The following MRPL15 variants were observed in gnomAD, a reference collection of about 807,000 sequenced individuals.
The protein encoded by MRPL15 is large ribosomal subunit protein uL15m.
Under a neutral mutation model 28.0 loss-of-function variants are expected in MRPL15, and 24 were observed. The ratio of observed to expected loss-of-function variants is 0.86; its 90% CI spans 0.62 to 1.21. MRPL15 has a LOEUF of 1.21. Ranked by LOEUF, MRPL15 falls within the 50% of genes most tolerant of loss-of-function variation. The pLI is 0.00. For missense variants in MRPL15, 343 were observed against 372.4 expected, an observed-to-expected ratio of 0.92 and a Z score of 0.65; for synonymous variants, 124 against 137.0, an observed-to-expected ratio of 0.90 and a Z score of 0.66.
Position 54,147,772 on chromosome 8 carries a change from G to A in MRPL15, c.*53G>A. The A allele has an allele frequency of 7.0e-7, 1 of 1,437,776 alleles. No individual in the cohort carries two copies. The highest frequency in any genetic ancestry group is 1.8e-4 in the Middle Eastern group (1 of 5,472). 89.1% of individuals were successfully genotyped at this position (1,437,776 alleles called of 1,614,324 possible). On this transcript the variant is annotated 3_prime_UTR_variant, in exon 5 of 5. Transcript: ENST00000260102. The stretch of plus-strand genomic sequence containing the variant: ...AAAGAGTACTGGAATAGGGGCTGAA[G>A]GATCTATATTCCCTTATTGCATTTT...
intron 3 of MRPL15, 22 bp from the exon 4 acceptor site, chr8:54,142,641 A>G: frequency 6.2e-7 from 1 of 1,608,688 alleles, no homozygotes. Flanking sequence ...GTTTACCAAC[A>G]GACTGTTTTG....
At chr8:54,137,465 T>G in intron 3 of MRPL15, 32 bp downstream of exon 3, 1 of 1,600,288 alleles carries the variant, frequency 6.2e-7, no homozygotes, top group South Asian at 1.1e-5. Context: ...TGGTGTTATA[T>G]AGGAGGATTT....
rs185951665 is a variant in MRPL15 at position 54,140,758 on chromosome 8, A to G, written c.430-1905A>G. Among the ~76,000 whole-genome samples, 57 of 150,770 alleles carry G rather than the reference A, an allele frequency of 3.8e-4. No individual in the cohort carries two copies. In the East Asian group the frequency reaches 0.01, roughly 28 times the overall value. On this transcript the variant is annotated intron_variant, in intron 3 of 4. Coordinates refer to ENST00000260102, the MANE Select transcript of MRPL15 (RefSeq NM_014175.4). ...CCGGCTAATTTATTTATTTTTTTGT[A>G]TTTTTAGTAGAGACAGGGTTTCACC... is the stretch of plus-strand genomic sequence containing the variant.
intron 4 of MRPL15, among the ~76,000 whole-genome samples, chr8:54,144,841 G>A (rs1400457797): frequency 2.0e-5 from 3 of 152,070 alleles, no homozygotes; most frequent in Non-Finnish European, 4.4e-5. Context: ...TATTATAGAT[G>A]AGCATCTTTT....
At chr8:54,140,306 G>T (rs900543223) in intron 3 of MRPL15, among the ~76,000 whole-genome samples, 1 of 151,858 alleles carries the variant, frequency 6.6e-6, no homozygotes. Context: ...TGCCCAGGCT[G>T]CAGTGCAATG....
chr8:54,146,482 G>A (rs1811047608), intron 4 of MRPL15, among the ~76,000 whole-genome samples: 1 of 151,312 alleles, frequency 6.6e-6, no homozygotes, highest in Non-Finnish European at 1.5e-5. Flanking sequence ...CCTTCACAGA[G>A]CTTACGCCCT....
intron 4 of MRPL15, 150 bp from the exon 5 acceptor site, chr8:54,147,232 C>G: frequency 3.4e-6 from 2 of 585,940 alleles, no homozygotes. Context: ...AACTGCGTCT[C>G]AAAAAAAAAA....
At chr8:54,144,492 CG>C (rs1563720406) in intron 4 of MRPL15, among the ~76,000 whole-genome samples, 1 of 151,982 alleles carries the variant, frequency 6.6e-6, no homozygotes. Flanking sequence ...CATCAAAGGC[CG>C]GGCGCAGTGG....
At chr8:54,139,151 C>T (rs1056125592) in intron 3 of MRPL15, among the ~76,000 whole-genome samples, 4 of 152,288 alleles carry the variant, frequency 2.6e-5, no homozygotes, top group South Asian at 2.1e-4. Context: ...AGGCATGTGC[C>T]ACCATGCCAG....
Position 54,142,779 on chromosome 8 carries a change from A to T in MRPL15, c.546A>T (p.Arg182Ser), listed in dbSNP as rs1164367235. 4.3e-6 allele frequency: 7 copies of T among 1,613,824 alleles called. No homozygotes were observed. The African/African-American group carries it at 9.3e-5, about 22-fold the overall frequency. ...GVVTTAFYDPRSLDIVCKPVP... is the reference protein window; with the variant it reads ...GVVTTAFYDPSSLDIVCKPVP... ...TTACTACAGCCTTCTATGATCCAAG[A>T]AGTCTGGGTAAGTTTGTTCCACGGT... Residue 182 changes from arginine to serine, a missense_variant, in exon 4 of 5, where the codon AGA becomes AGT. Transcript: ENST00000260102.
At chr8:54,139,027 T>C (rs986749080) in intron 3 of MRPL15, among the ~76,000 whole-genome samples, 3 of 151,610 alleles carry the variant, frequency 2.0e-5, no homozygotes, top group South Asian at 2.1e-4. Flanking sequence ...GGAGATGGAG[T>C]CTCACTCTGT....
rs182264861 is a variant in MRPL15, at chr8:54,136,190, A to C, written c.109-321A>C. 2.6e-5 allele frequency among the ~76,000 whole-genome samples: 4 copies of C among 152,384 alleles called. No homozygotes were observed. The East Asian group carries it at 5.8e-4, about 22-fold the overall frequency. ...TTAATTTCAGAATAAATTCTTGCCT[A>C]TCATTTAAAATGTTGTGAATATTTA... On this transcript the variant is annotated intron_variant, in intron 1 of 4. Transcript: ENST00000260102.
chr8:54,141,752 G>A (rs983980652), intron 3 of MRPL15, among the ~76,000 whole-genome samples: 2 of 151,996 alleles, frequency 1.3e-5, no homozygotes, highest in Non-Finnish European at 2.9e-5. Flanking sequence ...TTAGGTTGGT[G>A]CACAAGTAAT....
intron 3 of MRPL15, among the ~76,000 whole-genome samples, chr8:54,140,220 C>T (rs751731574): frequency 2.2e-4 from 34 of 152,164 alleles, no homozygotes; most frequent in South Asian, 4.1e-4. Flanking sequence ...AAAAATTTAA[C>T]GTTTCAGAGT....
At chr8:54,147,357 T>C (rs755006343) in intron 4 of MRPL15, 25 bp from the exon 5 acceptor site, 10 of 1,554,604 alleles carry the variant, frequency 6.4e-6, no homozygotes, top group Non-Finnish European at 7.8e-6. Context: ...TGCATCTCAC[T>C]TTTTAAATTT....
At chr8:54,137,128 A>G (rs543895337) in intron 2 of MRPL15, 140 bp from the exon 3 acceptor site, 3 of 794,910 alleles carry the variant, frequency 3.8e-6, no homozygotes, top group Non-Finnish European at 6.0e-6. Context: ...AAGCAGTATT[A>G]CATGTTTGTG....
chr8:54,143,182 G>A (rs1411168361), intron 4 of MRPL15, among the ~76,000 whole-genome samples: 1 of 152,076 alleles, frequency 6.6e-6, no homozygotes, highest in Non-Finnish European at 1.5e-5. Context: ...CCAGGTTCAA[G>A]CGATTCTCCT....
intron 4 of MRPL15, among the ~76,000 whole-genome samples, chr8:54,146,418 G>T (rs548356454): frequency 6.7e-6 from 1 of 149,780 alleles, no homozygotes; most frequent in East Asian, 2.0e-4. Context: ...CTGTACTCTA[G>T]CCTGGGCGAC....
rs1041974508 is a variant in MRPL15 at position 54,140,862 on chromosome 8, G to A, written c.430-1801G>A. Reference sequence around the variant, plus strand: ...CTCCCAAAATGCTGGGATTACAGGCGTGAGCCACTGCGCCCGGCCTAGAAC... The same window carrying A: ...CTCCCAAAATGCTGGGATTACAGGCATGAGCCACTGCGCCCGGCCTAGAAC... On this transcript the variant is annotated intron_variant, in intron 3 of 4. Coordinates refer to ENST00000260102, the MANE Select transcript of MRPL15 (RefSeq NM_014175.4). 1.7e-4 allele frequency among the ~76,000 whole-genome samples: 25 copies of A among 149,072 alleles called. 1 individual carries two copies. The highest frequency in any genetic ancestry group is 1.2e-3 in the Admixed American group (18 of 14,946).
Sources: allele counts gnomAD v4.1 joint callset (sites outside exome capture counted in the v4.1 genomes callset), GRCh38; gene constraint gnomAD v4.1.1; transcripts MANE v1.5; gene names NCBI Gene and HGNC (gene_info 2026-07-23, HGNC 2026-07-21).